USH2A: variants seen among roughly 807,000 people sequenced by gnomAD.
The protein encoded by USH2A is Usher syndrome 2A (autosomal recessive, mild).
In USH2A, 443 loss-of-function variants were observed where a neutral mutation model predicts 538.9. The observed-to-expected ratio is 0.82, with a 90% confidence interval of 0.76 to 0.89. The LOEUF (loss-of-function observed/expected upper bound fraction) is 0.89. Ranked by LOEUF, USH2A falls within the 40% of genes least tolerant of loss-of-function variation. The pLI is 0.00. For synonymous variants in USH2A, 2,413 were observed against 2,273.5 expected (o/e 1.06, Z -1.75); for missense variants, 6,633 against 6,324.8 (o/e 1.05, Z -1.65).
chr1:215,681,525 A>C (rs962209441), intron 61 of USH2A, among the ~76,000 whole-genome samples: 7 of 152,204 alleles, frequency 4.6e-5, no homozygotes, highest in African/African-American at 1.7e-4. Flanking sequence ...CAAGGGAAGA[A>C]GAATATAAAG....
chr1:215,913,950 A>C (rs1665880189), intron 38 of USH2A, among the ~76,000 whole-genome samples: 1 of 152,040 alleles, frequency 6.6e-6, no homozygotes, highest in African/African-American at 2.4e-5. Flanking sequence ...AATTACCAAA[A>C]TATTTTTAAA....
intron 37 of USH2A, among the ~76,000 whole-genome samples, chr1:215,957,043 C>G (rs999362036): frequency 1.3e-5 from 2 of 152,122 alleles, no homozygotes; most frequent in South Asian, 4.1e-4. Flanking sequence ...TTTGATTTCC[C>G]AAGTGTTTAG....
chr1:215,893,810 T>G (rs1375628672), intron 40 of USH2A, among the ~76,000 whole-genome samples: 1 of 152,154 alleles, frequency 6.6e-6, no homozygotes, highest in African/African-American at 2.4e-5. Context: ...AATTTTTGAT[T>G]AATCAATCCA....
intron 38 of USH2A, among the ~76,000 whole-genome samples, chr1:215,926,614 C>CTTTT (rs10673615): frequency 0.14 from 10,266 of 75,330 alleles, 1,270 homozygotes; most frequent in African/African-American, 0.14. Flanking sequence ...ACCTACCTAT[C>CTTTT]TTTTTTTTTT....
intron 21 of USH2A, among the ~76,000 whole-genome samples, chr1:216,135,172 A>G (rs867406400): frequency 8.0e-6 from 1 of 125,488 alleles, no homozygotes; most frequent in African/African-American, 3.5e-5. Context: ...TCTCTCACAC[A>G]CACACATACA....
chr1:215,936,509 A>T (rs1666501197), intron 37 of USH2A, among the ~76,000 whole-genome samples: 2 of 152,042 alleles, frequency 1.3e-5, no homozygotes, highest in Non-Finnish European at 2.9e-5. Flanking sequence ...GGGAATGATA[A>T]TACAGTATTT....
intron 20 of USH2A, among the ~76,000 whole-genome samples, chr1:216,182,520 A>G (rs918522703): frequency 1.2e-4 from 19 of 152,056 alleles, no homozygotes; most frequent in Admixed American, 9.9e-4. Context: ...ATACAACTAC[A>G]CACTACAAAT....
chr1:215,764,781 A>G (rs1661079883), intron 56 of USH2A, among the ~76,000 whole-genome samples: 1 of 152,146 alleles, frequency 6.6e-6, no homozygotes, highest in East Asian at 1.9e-4. Flanking sequence ...GTAAAACAAC[A>G]GAACTTAATG....
At chr1:215,987,368 A>G (rs1018295353) in intron 35 of USH2A, among the ~76,000 whole-genome samples, 7 of 152,222 alleles carry the variant, frequency 4.6e-5, no homozygotes, top group African/African-American at 1.7e-4. Context: ...AGGAAGCGTC[A>G]AGGTCCTACA....
At chr1:216,072,859 G>A in intron 29 of USH2A, 30 bp downstream of exon 29, 1 of 1,523,122 alleles carries the variant, frequency 6.6e-7, no homozygotes, top group Non-Finnish European at 9.1e-7. Context: ...GTGTGTGTGT[G>A]CACATATGCA....
intron 61 of USH2A, among the ~76,000 whole-genome samples, chr1:215,705,353 AT>A (rs2102693414): frequency 6.6e-6 from 1 of 152,178 alleles, no homozygotes; most frequent in Admixed American, 6.5e-5. Flanking sequence ...TCATAGTATG[AT>A]TTTTTGAAGC....
At chr1:216,341,609 C>A (rs2038077822) in intron 4 of USH2A, among the ~76,000 whole-genome samples, 1 of 152,104 alleles carries the variant, frequency 6.6e-6, no homozygotes. Context: ...TACAAGTCTA[C>A]AGTAACCAAA....
chr1:216,063,912 T>C (rs943020533), intron 30 of USH2A, among the ~76,000 whole-genome samples: 7 of 152,186 alleles, frequency 4.6e-5, no homozygotes, highest in African/African-American at 1.7e-4. Flanking sequence ...TATTAAACAT[T>C]GAAATGAATG....
intron 36 of USH2A, among the ~76,000 whole-genome samples, chr1:215,970,293 T>C (rs960344161): frequency 6.6e-6 from 1 of 152,146 alleles, no homozygotes; most frequent in African/African-American, 2.4e-5. Flanking sequence ...CTTACTTAGA[T>C]GTTGAGCCCA....
At chr1:215,931,881 A>G (rs1303310267) in intron 38 of USH2A, among the ~76,000 whole-genome samples, 2 of 151,970 alleles carry the variant, frequency 1.3e-5, no homozygotes, top group South Asian at 2.1e-4. Context: ...GAAAGGCCCT[A>G]TCTCAGCCTC....
intron 21 of USH2A, among the ~76,000 whole-genome samples, chr1:216,117,328 T>C (rs1440053211): frequency 6.6e-6 from 1 of 152,168 alleles, no homozygotes; most frequent in Non-Finnish European, 1.5e-5. Context: ...GTCAAATGAA[T>C]GAAAGAATAA....
rs770586716 is a variant in USH2A at position 216,355,366 on chromosome 1, AGAAAGAAAGAAG to A, written c.784+9575_784+9586del. Among the ~76,000 whole-genome samples the A allele has an allele frequency of 7.1e-5, 10 of 141,164 alleles. No individual in the cohort carries two copies. The South Asian group carries it at 9.4e-4, about 13-fold the overall frequency. The allele number at this position is 141,164 out of a possible 152,430, so 92.6% of individuals were successfully genotyped here. On this transcript the variant is annotated intron_variant, in intron 4 of 71. Transcript: ENST00000307340. Reference sequence around the variant, plus strand: ...AAGAAAGAAAGAAAGAAAGAAAGAAAGAAAGAAAGAAGGAAAGAAACATATAGTATACAAGAA... The same window carrying A: ...AAGAAAGAAAGAAAGAAAGAAAGAAAGAAAGAAACATATAGTATACAAGAA...
intron 40 of USH2A, among the ~76,000 whole-genome samples, chr1:215,895,976 A>G (rs967417487): frequency 6.6e-6 from 1 of 152,192 alleles, no homozygotes; most frequent in African/African-American, 2.4e-5. Flanking sequence ...GTATCTCAAC[A>G]CAGAAAAGGT....
chr1:216,124,540 C>A (rs2033208412), intron 21 of USH2A, among the ~76,000 whole-genome samples: 1 of 152,130 alleles, frequency 6.6e-6, no homozygotes, highest in Non-Finnish European at 1.5e-5. Context: ...AGCAAAAGCT[C>A]AGCAAAAACA....
Sources: gnomAD v4.1 joint callset for allele counts (sites outside exome capture counted in the v4.1 genomes callset) on GRCh38, gnomAD v4.1.1 for gene constraint, MANE v1.5 for transcripts, NCBI Gene and HGNC (gene_info 2026-07-23, HGNC 2026-07-21) for gene names.